Variants in ZCCHC10 observed in about 807,000 individuals in gnomAD.
The protein encoded by ZCCHC10 is zinc finger CCHC domain-containing protein 10.
Under a neutral mutation model 19.5 loss-of-function variants are expected in ZCCHC10, and 16 were observed. The ratio of observed to expected loss-of-function variants is 0.82; its 90% confidence interval spans 0.56 to 1.25. The LOEUF is 1.25. Ranked by LOEUF, ZCCHC10 falls within the 50% of genes most tolerant of loss-of-function variation. ZCCHC10 has a pLI of 0.00. For missense variants in ZCCHC10, 197 were observed against 201.0 expected, an observed-to-expected ratio of 0.98 and a Z score of 0.12; for synonymous variants, 67 against 72.5, an observed-to-expected ratio of 0.92 and a Z score of 0.38.
In ZCCHC10 at chr5:133,006,818, C is replaced by T. The variant is rs548847668; in HGVS notation, c.210G>A (p.Arg70=). ...TTAAAGCTTTCTTTAGTTCTGCTGT[C>T]CTTGAGGGCCTATGTAGGTATTTTC... ...GKRKYLHRPS[R]TAELKKALKE... is the part of the protein sequence containing the mutation. The change falls in exon 3 of 5, where the codon AGG becomes AGA. Residue 70 remains arginine, a synonymous_variant. Transcript: ENST00000509437. 27 of 1,611,930 alleles carry T rather than the reference C, an allele frequency of 1.7e-5. No homozygotes were observed. In the South Asian group the frequency reaches 2.1e-4, roughly 13 times the overall value.
rs1174768854 is a variant in ZCCHC10 at position 133,010,828 on chromosome 5, G to C, written c.108-3908C>G. Among the ~76,000 whole-genome samples, 5 of 151,798 alleles carry C rather than the reference G, an allele frequency of 3.3e-5. No homozygotes were observed. The East Asian group carries it at 5.8e-4, about 18-fold the overall frequency. On this transcript the variant is annotated intron_variant, in intron 2 of 4. Coordinates refer to ENST00000509437, the MANE Select transcript of ZCCHC10 (RefSeq NM_001300816.3). ...CTTTTTGAGATGGAGTTTTGCTCTT[G>C]TTGCCCAGGCTGGAGTGCAATGGCG...
chr5:133,021,040 G>T (rs1352652241), intron 2 of ZCCHC10, among the ~76,000 whole-genome samples: 1 of 152,134 alleles, frequency 6.6e-6, no homozygotes, highest in East Asian at 1.9e-4. Context: ...GGGACTACAG[G>T]CACCCGCCAC....
intron 1 of ZCCHC10, among the ~76,000 whole-genome samples, chr5:133,025,530 AAAAG>A (rs1764639475): frequency 1.3e-5 from 2 of 149,400 alleles, no homozygotes; most frequent in African/African-American, 2.5e-5. Flanking sequence ...AAAAAAAAAA[AAAAG>A]AAAGGGGCAT....
At chr5:133,008,461 C>T (rs1006091274) in intron 2 of ZCCHC10, among the ~76,000 whole-genome samples, 1 of 148,622 alleles carries the variant, frequency 6.7e-6, no homozygotes, top group African/African-American at 2.5e-5. Context: ...TCATTTGAAC[C>T]TGGGAGGCGG....
chr5:133,010,814 G>A (rs1763450659), intron 2 of ZCCHC10, among the ~76,000 whole-genome samples: 1 of 151,556 alleles, frequency 6.6e-6, no homozygotes. Flanking sequence ...TTTTTGAGAT[G>A]GAGTTTTGCT....
intron 1 of ZCCHC10, among the ~76,000 whole-genome samples, chr5:133,026,147 AG>A (rs1357108135): frequency 6.6e-6 from 1 of 152,190 alleles, no homozygotes; most frequent in Non-Finnish European, 1.5e-5. Context: ...GCTGGAATAA[AG>A]GTGTCGGACC....
At chr5:133,001,007 T>C (rs1056019445) in intron 3 of ZCCHC10, among the ~76,000 whole-genome samples, 18 of 152,140 alleles carry the variant, frequency 1.2e-4, no homozygotes, top group African/African-American at 4.1e-4. Flanking sequence ...ACATTAGTTA[T>C]AAAGTCTGGT....
intron 2 of ZCCHC10, among the ~76,000 whole-genome samples, chr5:133,019,552 T>C (rs1764157116): frequency 6.6e-6 from 1 of 152,172 alleles, no homozygotes; most frequent in Non-Finnish European, 1.5e-5. Flanking sequence ...TGCCTATTGT[T>C]GGCAAAAGCA....
At chr5:133,005,975 CTGCTT>C (rs1763091792) in intron 3 of ZCCHC10, among the ~76,000 whole-genome samples, 1 of 141,114 alleles carries the variant, frequency 7.1e-6, no homozygotes, top group Admixed American at 7.2e-5. Flanking sequence ...TAGGAAGATG[CTGCTT>C]TTTTTTTTTT....
At chr5:133,012,155 AGAAAGAAAG>A (rs1399133939) in intron 2 of ZCCHC10, among the ~76,000 whole-genome samples, 2 of 65,854 alleles carry the variant, frequency 3.0e-5, no homozygotes, top group Admixed American at 1.8e-4. Flanking sequence ...AAAAAAAAAA[AGAAAGAAAG>A]AAAGAAAAAA....
intron 1 of ZCCHC10, among the ~76,000 whole-genome samples, chr5:133,024,900 C>CG (rs1764567306): frequency 6.6e-6 from 1 of 151,042 alleles, no homozygotes. Flanking sequence ...GAGACTCCGT[C>CG]TAAAAAAAAA....
intron 2 of ZCCHC10, among the ~76,000 whole-genome samples, chr5:133,010,109 C>A (rs1333644492): frequency 7.0e-6 from 1 of 143,512 alleles, no homozygotes; most frequent in Non-Finnish European, 1.5e-5. Flanking sequence ...AGTGTAGTGG[C>A]ACGATCTTGG....
chr5:133,023,706 G>A (rs1359253034), intron 1 of ZCCHC10, among the ~76,000 whole-genome samples: 3 of 151,628 alleles, frequency 2.0e-5, no homozygotes, highest in East Asian at 1.9e-4. Context: ...GGGAGGTGGA[G>A]GTTGCGGTGA....
chr5:133,011,460 T>C (rs1476701127), intron 2 of ZCCHC10: 1 of 151,568 alleles, frequency 6.6e-6, no homozygotes, highest in Non-Finnish European at 1.5e-5. Flanking sequence ...CCATCTCTAA[T>C]AAAAATACAA....
intron 2 of ZCCHC10, among the ~76,000 whole-genome samples, chr5:133,008,723 T>C (rs538249634): frequency 6.6e-6 from 1 of 150,814 alleles, no homozygotes; most frequent in Non-Finnish European, 1.5e-5. Flanking sequence ...TTTGAAAAAT[T>C]AGCCAGGGCC....
chr5:133,024,614 A>G (rs750412365), intron 1 of ZCCHC10, among the ~76,000 whole-genome samples: 39 of 152,156 alleles, frequency 2.6e-4, no homozygotes, highest in Admixed American at 2.0e-3. Context: ...GAATTGTCTG[A>G]CTTAATGGTG....
chr5:133,009,175 G>C (rs1030505613), intron 2 of ZCCHC10, among the ~76,000 whole-genome samples: 1 of 151,790 alleles, frequency 6.6e-6, no homozygotes, highest in African/African-American at 2.4e-5. Flanking sequence ...GCTAATTTTT[G>C]TATTTTTTGT....
chr5:133,013,154 A>G (rs997228523), intron 2 of ZCCHC10, among the ~76,000 whole-genome samples: 1 of 150,426 alleles, frequency 6.6e-6, no homozygotes, highest in Non-Finnish European at 1.5e-5. Flanking sequence ...GCTACTTGGG[A>G]GGCTGAGGCA....
chr5:133,022,993 A>C, intron 1 of ZCCHC10, 87 bp from the exon 2 acceptor site: 1 of 408,782 alleles, frequency 2.4e-6, no homozygotes, highest in Non-Finnish European at 4.4e-6. Context: ...GTCTGACTTG[A>C]TGACAATTCA....
Sources: gnomAD v4.1 joint callset for allele counts (sites outside exome capture counted in the v4.1 genomes callset) on GRCh38, gnomAD v4.1.1 for gene constraint, MANE v1.5 for transcripts, NCBI Gene and HGNC (gene_info 2026-07-23, HGNC 2026-07-21) for gene names.